ABI2: variants seen among roughly 807,000 people sequenced by gnomAD.
ABI2 encodes abelson interactor 2.
ABI2 carries 25 observed loss-of-function variants against 59.2 expected under a neutral mutation model. The ratio of observed to expected loss-of-function variants is 0.42; its 90% CI spans 0.31 to 0.59. The LOEUF (loss-of-function observed/expected upper bound fraction) is 0.59, where lower values mean the gene tolerates loss of function less well. Among genes scored for constraint, ABI2 ranks in the 20% least tolerant of loss-of-function variants. The probability of loss-of-function intolerance (pLI) is 0.14; values close to 1 mark genes in which losing one functional copy is unlikely to be tolerated. For missense variants in ABI2, 545 were observed against 681.8 expected, an observed-to-expected ratio of 0.80 and a Z score of 2.23; for synonymous variants, 213 against 235.5, an observed-to-expected ratio of 0.90 and a Z score of 0.87.
intron 7 of ABI2, 53 bp downstream of exon 7, chr2:203,395,833 A>ATT: frequency 6.7e-7 from 1 of 1,497,436 alleles, no homozygotes; most frequent in Non-Finnish European, 8.9e-7. Flanking sequence ...ATTTGATTCA[A>ATT]TTTGTGATTT....
At chr2:203,365,500 G>C (rs1048088204) in intron 1 of ABI2, among the ~76,000 whole-genome samples, 1 of 151,772 alleles carries the variant, frequency 6.6e-6, no homozygotes, top group Non-Finnish European at 1.5e-5. Context: ...TAAAACTTCA[G>C]AGTGAAATAT....
At chr2:203,401,578 C>T (rs2097220556) in intron 8 of ABI2, among the ~76,000 whole-genome samples, 1 of 152,104 alleles carries the variant, frequency 6.6e-6, no homozygotes, top group Non-Finnish European at 1.5e-5. Flanking sequence ...GAGCAAAATA[C>T]AGTGAAATTG....
intron 1 of ABI2, chr2:203,351,798 A>T (rs567180407): frequency 8.5e-5 from 22 of 260,272 alleles, no homozygotes; most frequent in African/African-American, 5.1e-4. Flanking sequence ...GGCCTCCCCA[A>T]GTGCTGGTAT....
At chr2:203,342,214 A>G (rs1462229054) in intron 1 of ABI2, 2 of 455,922 alleles carry the variant, frequency 4.4e-6, no homozygotes, top group Non-Finnish European at 8.8e-6. Context: ...GCATCTTTCC[A>G]TTCTGTGAGG....
rs1409624592 is a variant in ABI2, at chr2:203,372,944, TGGC to T, written c.285+5904_285+5906del. Among the ~76,000 whole-genome samples the T allele has an allele frequency of 9.1e-4, 137 of 151,340 alleles. 2 individuals are homozygous for T. The highest frequency in any genetic ancestry group is 1.6e-4 in the Non-Finnish European group (11 of 67,888). On this transcript the variant is annotated intron_variant, in intron 2 of 11. Coordinates refer to ENST00000261018, the MANE Select transcript of ABI2 (RefSeq NM_001375670.1). ...GACGCTCCTCACTTCCTAGACGGGA[TGGC>T]GGCCAGGAAGAGGCGCTCCTCACTT...
chr2:203,366,972 T>C lies in ABI2; in HGVS notation c.213T>C (p.Asn71=), dbSNP rs754283915. ...ATCTGATAAACACCTTGGCCAACAATGTCCTGCAGATGCTGGATATCCAGG... is the reference window on the plus strand; with the variant it reads ...ATCTGATAAACACCTTGGCCAACAACGTCCTGCAGATGCTGGATATCCAGG... ...VAYLINTLAN[N]VLQMLDIQAS... is the part of the protein sequence containing the mutation. The change falls in exon 2 of 12, where the codon AAT becomes AAC. Residue 71 remains asparagine (N), a synonymous_variant. Transcript: ENST00000261018. 5.6e-6 allele frequency: 9 copies of C among 1,613,934 alleles called. No homozygotes were observed. The South Asian group carries it at 9.9e-5, about 18-fold the overall frequency.
chr2:203,408,137 G>A (rs971006592), intron 9 of ABI2, among the ~76,000 whole-genome samples: 6 of 151,136 alleles, frequency 4.0e-5, no homozygotes, highest in African/African-American at 9.7e-5. Flanking sequence ...GAAGAACTGC[G>A]ATTGATCTTT....
chr2:203,403,364 A>T (rs566945623), intron 9 of ABI2: 1 of 154,950 alleles, frequency 6.5e-6, no homozygotes, highest in South Asian at 2.0e-4. Flanking sequence ...TGGACATGGT[A>T]TGTCAACTTA....
At chr2:203,373,068 G>A (rs1270732369) in intron 2 of ABI2, among the ~76,000 whole-genome samples, 69 of 152,282 alleles carry the variant, frequency 4.5e-4, no homozygotes, top group African/African-American at 1.1e-3. Flanking sequence ...GGTGGCGGCC[G>A]GGCAGAGGCT....
intron 1 of ABI2, among the ~76,000 whole-genome samples, chr2:203,349,007 A>T (rs1040328019): frequency 6.6e-6 from 1 of 150,914 alleles, no homozygotes; most frequent in Non-Finnish European, 1.5e-5. Context: ...ATCTCGGCTC[A>T]CTGCAGCCTC....
intron 4 of ABI2, among the ~76,000 whole-genome samples, chr2:203,388,554 G>C (rs181503960): frequency 2.0e-5 from 3 of 151,924 alleles, no homozygotes; most frequent in Non-Finnish European, 2.9e-5. Flanking sequence ...GTGGTGGTGC[G>C]CCTGTAATCC....
Position 203,429,631 on chromosome 2 carries a change from C to T in ABI2, c.*2279C>T, listed in dbSNP as rs552106631. On this transcript the variant is annotated 3_prime_UTR_variant, in exon 12 of 12. Coordinates refer to ENST00000261018, the MANE Select transcript of ABI2 (RefSeq NM_001375670.1). ...AATTAGCTGGGCGTGGTGGCGCACACCTGTAGTCCCAGCTACTTGGGAGGC... is the reference window on the plus strand; with the variant it reads ...AATTAGCTGGGCGTGGTGGCGCACATCTGTAGTCCCAGCTACTTGGGAGGC... 2.0e-5 allele frequency: 3 copies of T among 152,330 alleles called. No homozygotes were observed. Among genetic ancestry groups the T allele is most frequent in the East Asian group, 3.9e-4 (2 of 5,178 alleles). The allele number at this position is 152,330 out of a possible 1,614,324, so 9.4% of individuals were successfully genotyped here.
In ABI2 at chr2:203,430,006, A is replaced by G. The variant is rs1436737524; in HGVS notation, c.*2654A>G. ...AATGTGTGTGTGATCTTTGTTTTAC[A>G]AACAGTACCTTTTGGGTTTTCTGCA... On this transcript the variant is annotated 3_prime_UTR_variant, in exon 12 of 12. Transcript: ENST00000261018. 2.0e-5 allele frequency: 3 copies of G among 152,120 alleles called. No homozygotes were observed. Among genetic ancestry groups the G allele is most frequent in the Non-Finnish European group, 2.9e-5 (2 of 68,028 alleles). 9.4% of individuals were successfully genotyped at this position (152,120 alleles called of 1,614,324 possible).
At chr2:203,394,582 T>C in intron 5 of ABI2, 118 bp from the exon 6 acceptor site, 1 of 1,004,902 alleles carries the variant, frequency 1.0e-6, no homozygotes, top group South Asian at 1.6e-5. Context: ...AGCTGGGTTA[T>C]GTTAAAACAC....
chr2:203,334,333 T>C (rs2075438190), intron 1 of ABI2, among the ~76,000 whole-genome samples: 1 of 152,312 alleles, frequency 6.6e-6, no homozygotes, highest in Non-Finnish European at 1.5e-5. Flanking sequence ...ACCCAGAGAA[T>C]AATATATAAA....
At chr2:203,393,376 C>T (rs760051915) in intron 5 of ABI2, among the ~76,000 whole-genome samples, 6 of 152,038 alleles carry the variant, frequency 3.9e-5, no homozygotes, top group Non-Finnish European at 7.4e-5. Flanking sequence ...TTTTTATTGC[C>T]TGGGAAAAAT....
intron 8 of ABI2, among the ~76,000 whole-genome samples, chr2:203,400,238 C>T (rs1026262188): frequency 1.3e-5 from 2 of 151,702 alleles, no homozygotes; most frequent in African/African-American, 4.8e-5. Flanking sequence ...CAAGTGTGAG[C>T]CACCACACCC....
At chr2:203,395,446 TATACACACACACAC>T (rs2096937194) in intron 6 of ABI2, among the ~76,000 whole-genome samples, 196 bp from the exon 7 acceptor site, 2 of 85,364 alleles carry the variant, frequency 2.3e-5, no homozygotes, top group Non-Finnish European at 2.7e-5. Context: ...TATATATATA[TATACACACACACAC>T]ACACACACAC....
chr2:203,367,185 T>C (rs1357819927), intron 2 of ABI2, 141 bp downstream of exon 2: 3 of 1,186,536 alleles, frequency 2.5e-6, no homozygotes, highest in Non-Finnish European at 3.3e-6. Flanking sequence ...TTAGGTTGTT[T>C]TTAGATTCTG....
Sources: gnomAD v4.1 joint callset for allele counts (sites outside exome capture counted in the v4.1 genomes callset) on GRCh38, gnomAD v4.1.1 for gene constraint, MANE v1.5 for transcripts, NCBI Gene and HGNC (gene_info 2026-07-23, HGNC 2026-07-21) for gene names.